Variants in DAB2IP observed in about 807,000 individuals in gnomAD.
The protein encoded by DAB2IP is DAB2 interacting protein.
In DAB2IP, 28 loss-of-function variants were observed where a neutral mutation model predicts 107.2. That is an observed-to-expected ratio of 0.26 (90% confidence interval 0.19 to 0.36). DAB2IP has a LOEUF of 0.36. Among genes scored for constraint, DAB2IP ranks in the 10% least tolerant of loss-of-function variants. The pLI is 1.00. For synonymous variants in DAB2IP, 755 were observed against 706.4 expected (o/e 1.07, Z -1.09); for missense variants, 1,400 against 1,644.7 (o/e 0.85, Z 2.57).
rs373292293 is a variant in DAB2IP at position 121,622,630 on chromosome 9, A to G, written c.40+55402A>G. Among the ~76,000 whole-genome samples the G allele has an allele frequency of 5.4e-4, 82 of 152,274 alleles. 1 individual carries two copies. The highest frequency in any genetic ancestry group is 1.9e-3 in the African/African-American group (81 of 41,560). On this transcript the variant is annotated intron_variant, in intron 1 of 16. Transcript: ENST00000259371. ...TCGGGAGGTAAGATTTCCACTTCTC[A>G]GGGCTGGGGCTGCCGGGTGGATTGA... is the stretch of plus-strand genomic sequence containing the variant.
intron 1 of DAB2IP, among the ~76,000 whole-genome samples, chr9:121,654,822 C>T (rs1420009306): frequency 2.0e-5 from 3 of 152,228 alleles, no homozygotes; most frequent in African/African-American, 7.2e-5. Context: ...GGATCAGACT[C>T]TTGCCCCCAC....
At chr9:121,752,040 G>A in intron 3 of DAB2IP, 1 of 985,476 alleles carries the variant, frequency 1.0e-6, no homozygotes, top group Non-Finnish European at 1.2e-6. Context: ...GCCATGTTTA[G>A]AAGGGTCTCG....
intron 3 of DAB2IP, among the ~76,000 whole-genome samples, chr9:121,739,951 G>A (rs751049541): frequency 3.9e-5 from 6 of 152,226 alleles, no homozygotes; most frequent in Non-Finnish European, 8.8e-5. Flanking sequence ...CTGGAGCAGG[G>A]TGGCCTGGGT....
intron 1 of DAB2IP, among the ~76,000 whole-genome samples, chr9:121,578,432 G>A (rs543646903): frequency 6.6e-6 from 1 of 151,904 alleles, no homozygotes; most frequent in East Asian, 2.0e-4. Context: ...CACAGACTTG[G>A]CTGAGGGCCT....
chr9:121,744,570 C>T (rs1468684445), intron 3 of DAB2IP, among the ~76,000 whole-genome samples: 1 of 152,190 alleles, frequency 6.6e-6, no homozygotes, highest in Non-Finnish European at 1.5e-5. Context: ...AGGCAGGGCT[C>T]AGTACATTTC....
intron 1 of DAB2IP, among the ~76,000 whole-genome samples, chr9:121,571,138 G>A (rs1829932099): frequency 6.6e-6 from 1 of 151,926 alleles, no homozygotes; most frequent in Non-Finnish European, 1.5e-5. Context: ...CAACTGAAAA[G>A]TCACCTCCTC....
chr9:121,633,284 C>T lies in DAB2IP; in HGVS notation c.41-45394C>T, dbSNP rs1328935716. On this transcript the variant is annotated intron_variant, in intron 1 of 16. Transcript: ENST00000259371. This position sits in a 1 kb window ranked among gnomAD's most constrained non-coding sequence, Gnocchi z 5.1. ...TCGAGGCCCAGAGAGAGGACATTCC[C>T]GCTTGACCCTCCCCAGGCCTATAAA... is the stretch of plus-strand genomic sequence containing the variant. Among the ~76,000 whole-genome samples, 1 of 152,078 alleles carries T rather than the reference C, an allele frequency of 6.6e-6. No homozygotes were observed. The highest frequency in any genetic ancestry group is 1.5e-5 in the Non-Finnish European group (1 of 68,014).
intron 1 of DAB2IP, among the ~76,000 whole-genome samples, chr9:121,614,310 T>A (rs605576): frequency 6.7e-6 from 1 of 148,736 alleles, no homozygotes; most frequent in African/African-American, 2.5e-5. Context: ...TGTCCAGGAC[T>A]CTCCCACCTT....
At chr9:121,617,666 G>T (rs1314076284) in intron 1 of DAB2IP, among the ~76,000 whole-genome samples, 3 of 152,220 alleles carry the variant, frequency 2.0e-5, no homozygotes, top group Admixed American at 2.0e-4. Flanking sequence ...CATGGCCTTC[G>T]GCCTGGTGTT....
At chr9:121,647,690 C>T (rs879310758), upstream of DAB2IP, among the ~76,000 whole-genome samples, 1 of 152,092 alleles carries the variant, frequency 6.6e-6, no homozygotes, top group Non-Finnish European at 1.5e-5. Flanking sequence ...GGTGTCTCTC[C>T]TTGGAGTCAG....
chr9:121,638,138 C>T (rs913915206), intron 1 of DAB2IP, among the ~76,000 whole-genome samples: 2 of 152,120 alleles, frequency 1.3e-5, no homozygotes, highest in Non-Finnish European at 2.9e-5. Flanking sequence ...CCCTCCGAAT[C>T]TATGGGTTCT....
At chr9:121,580,890 G>T (rs1830181806) in intron 1 of DAB2IP, among the ~76,000 whole-genome samples, 1 of 152,226 alleles carries the variant, frequency 6.6e-6, no homozygotes, top group African/African-American at 2.4e-5. Flanking sequence ...CTCCCCAAGT[G>T]CTGGGATTAC....
At chr9:121,616,698 C>T (rs1478346166) in intron 1 of DAB2IP, among the ~76,000 whole-genome samples, 1 of 152,194 alleles carries the variant, frequency 6.6e-6, no homozygotes, top group Non-Finnish European at 1.5e-5. Flanking sequence ...GTCTGATGGG[C>T]TTGATCACTC....
chr9:121,716,797 A>G (rs7875345), intron 3 of DAB2IP, among the ~76,000 whole-genome samples: 48,425 of 152,076 alleles, frequency 0.32, 8,460 homozygotes, highest in African/African-American at 0.48. Flanking sequence ...GAGCCATTGC[A>G]CCAAGGTAGG....
intron 2 of DAB2IP, among the ~76,000 whole-genome samples, chr9:121,679,310 GCA>G (rs763435799): frequency 2.0e-5 from 3 of 151,770 alleles, no homozygotes; most frequent in Non-Finnish European, 4.4e-5. Context: ...GTCCCCACAA[GCA>G]CACAGACTTT....
intron 1 of DAB2IP, among the ~76,000 whole-genome samples, chr9:121,641,937 C>CTT (rs1474166220): frequency 2.2e-4 from 25 of 112,614 alleles, no homozygotes; most frequent in Admixed American, 4.0e-4. Context: ...TTCTTTCTTT[C>CTT]TCTCTTTCTT....
intron 4 of DAB2IP, among the ~76,000 whole-genome samples, chr9:121,757,391 G>C (rs1285463379): frequency 6.6e-6 from 1 of 152,208 alleles, no homozygotes; most frequent in African/African-American, 2.4e-5. Flanking sequence ...AAATGGGCCA[G>C]CACCTGTTCT....
intron 3 of DAB2IP, among the ~76,000 whole-genome samples, chr9:121,729,727 C>T (rs1051041120): frequency 6.6e-6 from 1 of 152,110 alleles, no homozygotes; most frequent in Non-Finnish European, 1.5e-5. Context: ...TCATTTGGCC[C>T]GATGGGGTGG....
At chr9:121,767,001 AATGT>A (rs1286244174) in intron 9 of DAB2IP, among the ~76,000 whole-genome samples, 2 of 152,176 alleles carry the variant, frequency 1.3e-5, no homozygotes, top group Non-Finnish European at 2.9e-5. Context: ...TTTTTGAATT[AATGT>A]ATTATTATAA....
Sources: gnomAD v4.1 joint callset for allele counts (sites outside exome capture counted in the v4.1 genomes callset) on GRCh38, gnomAD v4.1.1 for gene constraint, Gnocchi (gnomAD v3.1) non-coding constraint, MANE v1.5 for transcripts, NCBI Gene and HGNC (gene_info 2026-07-23, HGNC 2026-07-21) for gene names.